Variants in BNC1 observed in about 807,000 individuals in gnomAD.
BNC1 encodes the protein basonuclin zinc finger protein 1, also known as zinc finger protein basonuclin-1.
In BNC1, 8 loss-of-function variants were observed where a neutral mutation model predicts 66.5. That is an observed-to-expected ratio of 0.12 (90% CI 0.07 to 0.22). The LOEUF is 0.22. Ranked by LOEUF, BNC1 falls within the 10% of genes least tolerant of loss-of-function variation. The pLI is 1.00. For synonymous variants in BNC1, 454 were observed against 452.6 expected (o/e 1.00, Z -0.04); for missense variants, 1,069 against 1,241.3 (o/e 0.86, Z 2.09).
chr15:83,279,472 T>TTGTACAGAGAGG (rs1378426214), intron 1 of BNC1, among the ~76,000 whole-genome samples: 3 of 152,152 alleles, frequency 2.0e-5, no homozygotes, highest in Middle Eastern at 3.2e-3. Flanking sequence ...GAGGGCTTCC[T>TTGTACAGAGAGG]CCAGGAAGAA....
chr15:83,263,602 G>A lies in BNC1; in HGVS notation c.1649C>T (p.Ala550Val), dbSNP rs776107179. 1.2e-6 allele frequency: 2 copies of A among 1,614,196 alleles called. No homozygotes were observed. The highest frequency in any genetic ancestry group is 2.2e-5 in the East Asian group (1 of 44,888). Residue 550 changes from alanine (A) to valine (V), a missense_variant, in exon 4 of 5, where the codon GCT (alanine) becomes GTT (valine). Physicochemically the swap from Ala to Val is moderately conservative, Grantham distance 64. This residue lies in a region of BNC1 where 657 missense variants were observed against 715.8 expected (regional missense o/e 0.92). Transcript: ENST00000345382. The stretch of plus-strand genomic sequence containing the variant: ...TCTTTTCTCATTAGCTATTTCCACA[G>A]CTTCTTTCTCTATTTTGATAGGCAT... ...SSMPIKIEKEAVEIANEKRHN... is the reference protein window; with the variant it reads ...SSMPIKIEKEVVEIANEKRHN...
At chr15:83,284,456 G>A (rs2038422223) in intron 1 of BNC1, 74 bp downstream of exon 1, 4 of 986,518 alleles carry the variant, frequency 4.1e-6, no homozygotes, top group Admixed American at 5.5e-5. Context: ...ACGGGAGCCG[G>A]AGCCCAGCGG....
chr15:83,270,035 G>T (rs1425806217), intron 1 of BNC1, among the ~76,000 whole-genome samples: 1 of 152,176 alleles, frequency 6.6e-6, no homozygotes, highest in Non-Finnish European at 1.5e-5. Flanking sequence ...AATTGATAAA[G>T]GCAGAAACCA....
chr15:83,266,744 C>CCACCAA, intron 3 of BNC1, 92 bp downstream of exon 3: 1 of 1,112,138 alleles, frequency 9.0e-7, no homozygotes. Flanking sequence ...CCACCAAGGG[C>CCACCAA]TGTAGCATTG....
rs1425069645 is a variant in BNC1 at position 83,256,056 on chromosome 15, TA to T, written c.*1385del. On this transcript the variant is annotated 3_prime_UTR_variant, in exon 5 of 5. Transcript: ENST00000345382. ...ACAAGTTTTAAGTTGTCACACTTAT[TA>T]AAACAAAAAAAGCTGAAATAATTGG... 1 of 152,638 alleles carries T rather than the reference TA, an allele frequency of 6.6e-6. No homozygotes were observed. Among genetic ancestry groups the T allele is most frequent in the African/African-American group, 2.4e-5 (1 of 41,466 alleles). 9.5% of individuals were successfully genotyped at this position (152,638 alleles called of 1,614,324 possible).
At chr15:83,284,418 G>A (rs1344316934) in intron 1 of BNC1, 112 bp downstream of exon 1, 2 of 633,848 alleles carry the variant, frequency 3.2e-6, no homozygotes, top group Middle Eastern at 7.2e-4. Flanking sequence ...TAGCCAGCTG[G>A]CCCTCGGGAG....
chr15:83,266,723 G>A (rs2038221712), intron 3 of BNC1, 113 bp downstream of exon 3: 1 of 949,540 alleles, frequency 1.1e-6, no homozygotes, highest in Non-Finnish European at 1.7e-6. Context: ...AAGTATTAAA[G>A]GGAAAGATGG....
At chr15:83,273,082 A>G (rs2038285187) in intron 1 of BNC1, among the ~76,000 whole-genome samples, 1 of 152,224 alleles carries the variant, frequency 6.6e-6, no homozygotes, top group Non-Finnish European at 1.5e-5. Flanking sequence ...AATTTTGTCT[A>G]TAATTCAATG....
At chr15:83,272,789 G>A (rs768464777) in intron 1 of BNC1, among the ~76,000 whole-genome samples, 3 of 152,064 alleles carry the variant, frequency 2.0e-5, no homozygotes, top group South Asian at 2.1e-4. Context: ...TTTGCATCTC[G>A]TCACCTAGGT....
At chr15:83,280,342 T>C (rs2038365389) in intron 1 of BNC1, among the ~76,000 whole-genome samples, 1 of 152,218 alleles carries the variant, frequency 6.6e-6, no homozygotes, top group South Asian at 2.1e-4. Flanking sequence ...TAAAGGGAAC[T>C]TTCCGAACAT....
At chr15:83,281,443 G>T (rs1595943890) in intron 1 of BNC1, among the ~76,000 whole-genome samples, 1 of 152,050 alleles carries the variant, frequency 6.6e-6, no homozygotes, top group Non-Finnish European at 1.5e-5. Flanking sequence ...TAAAAAGATG[G>T]GTGGCTCATC....
Position 83,263,466 on chromosome 15 carries a change from T to C in BNC1, c.1785A>G (p.Ser595=), listed in dbSNP as rs141284419. Residue 595 remains serine (S), a synonymous_variant, in exon 4 of 5, where the codon TCA becomes TCG. Coordinates refer to ENST00000345382, the MANE Select transcript of BNC1 (RefSeq NM_001717.4). ...HRVSEEQHVQ[S]GGLGKPFPEG... ...CAGGGAAAGGCTTCCCTAAGCCTCC[T>C]GACTGTACATGCTGCTCCTCAGATA... 40 of 1,614,136 alleles carry C rather than the reference T, an allele frequency of 2.5e-5. No homozygotes were observed. The highest frequency in any genetic ancestry group is 3.3e-5 in the Non-Finnish European group (39 of 1,180,038).
In BNC1 at chr15:83,257,676, C is replaced by A; in HGVS notation, c.2751G>T (p.Gln917His). The A allele has an allele frequency of 6.2e-7, 1 of 1,614,146 alleles. No homozygotes were observed. The highest frequency in any genetic ancestry group is 8.5e-7 in the Non-Finnish European group (1 of 1,180,018). Reference sequence around the variant, plus strand: ...ACCCAGAAGGCAGGCTAGCAAGGCTCTGGTCAGCCTTCTCCATCAGGACAC... The same window carrying A: ...ACCCAGAAGGCAGGCTAGCAAGGCTATGGTCAGCCTTCTCCATCAGGACAC... ...PICVLMEKAD[Q>H]SLASLPSGLP... Residue 917 changes from glutamine (Q) to histidine (H), a missense_variant, in exon 5 of 5, where the codon CAG becomes CAT. Physicochemically the swap from Gln to His is conservative, Grantham distance 24 (BLOSUM62 0). This residue lies in a region of BNC1 where 657 missense variants were observed against 715.8 expected (regional missense o/e 0.92). Coordinates refer to ENST00000345382, the MANE Select transcript of BNC1 (RefSeq NM_001717.4).
chr15:83,261,533 G>C (rs1047415837), intron 4 of BNC1, among the ~76,000 whole-genome samples: 1 of 152,198 alleles, frequency 6.6e-6, no homozygotes, highest in South Asian at 2.1e-4. Flanking sequence ...TCAGGCAGCT[G>C]ATCTTTTCCA....
intron 1 of BNC1, among the ~76,000 whole-genome samples, chr15:83,270,615 G>A (rs2038261023): frequency 2.0e-5 from 3 of 151,954 alleles, no homozygotes; most frequent in Admixed American, 1.3e-4. Context: ...GTGCTTATTG[G>A]CCATTTGTAT....
chr15:83,284,615 G>A lies in BNC1; in HGVS notation c.14C>T (p.Pro5Leu), dbSNP rs2038425334. ...CGCCCCGCGTCCGCCCCGGCTCGGC[G>A]GGCGCCGCCGCATCCACGCTCCGGC... is the stretch of plus-strand genomic sequence containing the variant. MRRR[P>L]PSRGGRGAAR... The change falls in exon 1 of 5, where the codon CCG (proline) becomes CTG (leucine). Residue 5 changes from proline (P) to leucine (L), a missense_variant. Coordinates refer to ENST00000345382, the MANE Select transcript of BNC1 (RefSeq NM_001717.4). 3.0e-6 allele frequency: 3 copies of A among 1,000,016 alleles called. No homozygotes were observed. The highest frequency in any genetic ancestry group is 1.8e-5 in the African/African-American group (1 of 56,962). The allele number at this position is 1,000,016 out of a possible 1,614,324, so 61.9% of individuals were successfully genotyped here.
chr15:83,268,257 T>C, intron 1 of BNC1, 25 bp from the exon 2 acceptor site: 1 of 1,563,332 alleles, frequency 6.4e-7, no homozygotes, highest in Non-Finnish European at 8.8e-7. Flanking sequence ...AAAACAGGTA[T>C]GTGGAGCATG....
chr15:83,268,688 T>C (rs927584922), intron 1 of BNC1, among the ~76,000 whole-genome samples: 2 of 152,144 alleles, frequency 1.3e-5, no homozygotes, highest in African/African-American at 4.8e-5. Context: ...CCCACAGATA[T>C]GGTAGAAGCT....
intron 1 of BNC1, among the ~76,000 whole-genome samples, chr15:83,270,380 A>ATC (rs2151437778): frequency 6.6e-6 from 1 of 152,262 alleles, no homozygotes; most frequent in East Asian, 1.9e-4. Flanking sequence ...TTGCATAGTA[A>ATC]CTCTTGTTTA....
Sources: gnomAD v4.1 joint callset for allele counts (sites outside exome capture counted in the v4.1 genomes callset) on GRCh38, gnomAD v4.1.1 for gene constraint, gnomAD v4.1.1 regional missense constraint, MANE v1.5 for transcripts, NCBI Gene and HGNC (gene_info 2026-07-23, HGNC 2026-07-21) for gene names.